The following PARL variants were observed in gnomAD, a reference collection of about 807,000 sequenced individuals.
PARL encodes the protein presenilin-associated rhomboid-like protein, mitochondrial.
Under a neutral mutation model 51.6 loss-of-function variants are expected in PARL, and 44 were observed. The observed-to-expected ratio is 0.85, with a 90% CI of 0.67 to 1.10. PARL has a LOEUF of 1.10. Among genes scored for constraint, PARL ranks in the 50% least tolerant of loss-of-function variants. PARL has a pLI of 0.00. For synonymous variants in PARL, 172 were observed against 164.0 expected, an observed-to-expected ratio of 1.05 and a Z score of -0.37; for missense variants, 441 against 469.5, an observed-to-expected ratio of 0.94 and a Z score of 0.56.
At chr3:183,871,948 T>C (rs910607893) in intron 1 of PARL, among the ~76,000 whole-genome samples, 1 of 151,804 alleles carries the variant, frequency 6.6e-6, no homozygotes, top group African/African-American at 2.4e-5. Context: ...TGGAAATAAA[T>C]GAAACTCAGA....
chr3:183,836,479 T>G (rs115381138), intron 7 of PARL, among the ~76,000 whole-genome samples: 3,326 of 152,284 alleles, frequency 0.022, 58 homozygotes, highest in Non-Finnish European at 0.034. Flanking sequence ...TTTTGACAAA[T>G]ATTTGGGCTT....
chr3:183,851,287 G>GA (rs1459628404), intron 4 of PARL, among the ~76,000 whole-genome samples: 3 of 152,068 alleles, frequency 2.0e-5, no homozygotes. Context: ...AGCAACAAAA[G>GA]AAAAAAATAG....
chr3:183,869,646 T>C (rs1732947981), intron 1 of PARL, among the ~76,000 whole-genome samples: 1 of 152,122 alleles, frequency 6.6e-6, no homozygotes, highest in African/African-American at 2.4e-5. Flanking sequence ...TCATAACATA[T>C]TATCCCTTCT....
chr3:183,827,601 G>A (rs768204213), downstream of PARL, among the ~76,000 whole-genome samples: 37 of 152,266 alleles, frequency 2.4e-4, no homozygotes, highest in Middle Eastern at 3.4e-3. Context: ...GGACCACCAC[G>A]GAGTCACAGG....
intron 1 of PARL, among the ~76,000 whole-genome samples, chr3:183,882,292 C>T (rs28694569): frequency 6.8e-4 from 69 of 100,936 alleles, no homozygotes; most frequent in African/African-American, 2.2e-3. Flanking sequence ...TACACACACA[C>T]ATATATATAC....
chr3:183,867,819 T>C (rs759011358), intron 2 of PARL, 46 bp downstream of exon 2: 2 of 1,394,762 alleles, frequency 1.4e-6, no homozygotes, highest in Non-Finnish European at 2.0e-6. Flanking sequence ...ACTTTAACAC[T>C]GCATTTCTAG....
At chr3:183,844,696 G>A (rs1045291625) in intron 4 of PARL, 3 of 196,944 alleles carry the variant, frequency 1.5e-5, no homozygotes, top group African/African-American at 2.3e-5. Context: ...CTTTGGCCAA[G>A]AGTAGAAGAG....
rs1051525244 is a variant in PARL at position 183,871,856 on chromosome 3, A to G, written c.126-3796T>C. On this transcript the variant is annotated intron_variant, in intron 1 of 9. Coordinates refer to ENST00000317096, the MANE Select transcript of PARL (RefSeq NM_018622.7). ...TGTATATTTAATACTTATACATTTT[A>G]CTATATGTAAACTGTATCTCAATAA... 3.9e-5 allele frequency among the ~76,000 whole-genome samples: 6 copies of G among 152,208 alleles called. No individual in the cohort carries two copies. In the South Asian group the frequency reaches 6.2e-4, roughly 16 times the overall value.
intron 9 of PARL, among the ~76,000 whole-genome samples, chr3:183,832,537 T>C (rs28692503): frequency 1.6e-4 from 25 of 151,866 alleles, no homozygotes; most frequent in African/African-American, 5.1e-4. Flanking sequence ...TTTTTCTTTT[T>C]AATAAAAAAA....
downstream of PARL, among the ~76,000 whole-genome samples, chr3:183,827,965 C>T (rs1053112406): frequency 6.6e-6 from 1 of 152,250 alleles, no homozygotes; most frequent in African/African-American, 2.4e-5. Flanking sequence ...GGAGGCGGCA[C>T]AGCCCAAGAG....
At chr3:183,840,483 A>C in intron 7 of PARL, 87 bp downstream of exon 7, 1 of 688,280 alleles carries the variant, frequency 1.5e-6, no homozygotes, top group Non-Finnish European at 2.5e-6. Flanking sequence ...ACCTCTTATC[A>C]ATTTTACAAC....
intron 4 of PARL, among the ~76,000 whole-genome samples, chr3:183,858,736 T>C (rs1221430492): frequency 2.0e-5 from 3 of 151,958 alleles, no homozygotes; most frequent in African/African-American, 4.8e-5. Flanking sequence ...ATCAGGGCAA[T>C]AGAACAGAAA....
intron 4 of PARL, among the ~76,000 whole-genome samples, chr3:183,848,648 G>A (rs1444214078): frequency 2.0e-5 from 3 of 152,198 alleles, no homozygotes; most frequent in African/African-American, 7.2e-5. Context: ...TGACCTGGCT[G>A]TTGATTCCAT....
In PARL at chr3:183,832,379, C is replaced by T. The variant is rs570023500; in HGVS notation, c.1028+1113G>A. On this transcript the variant is annotated intron_variant, in intron 9 of 9. Coordinates refer to ENST00000317096, the MANE Select transcript of PARL (RefSeq NM_018622.7). Reference sequence around the variant, plus strand: ...GACTACAGGCGCCCGCCACCACGCCCGGCTAAGTTTTTTGTATTTTTAGTA... The same window carrying T: ...GACTACAGGCGCCCGCCACCACGCCTGGCTAAGTTTTTTGTATTTTTAGTA... Among the ~76,000 whole-genome samples, 143 of 152,076 alleles carry T rather than the reference C, an allele frequency of 9.4e-4. 2 individuals are homozygous for T. In the South Asian group the frequency reaches 0.029, roughly 31 times the overall value.
chr3:183,865,016 C>T (rs1577359099), intron 3 of PARL, among the ~76,000 whole-genome samples: 1 of 151,002 alleles, frequency 6.6e-6, no homozygotes, highest in Admixed American at 6.6e-5. Context: ...GTTTAAAACT[C>T]CTCTTGGGGC....
rs1238638750 is a variant in PARL at position 183,833,725 on chromosome 3, T to C, written c.929A>G (p.Asn310Ser). The C allele has an allele frequency of 1.9e-6, 3 of 1,592,772 alleles. No individual in the cohort carries two copies. Among genetic ancestry groups the C allele is most frequent in the Non-Finnish European group, 2.6e-6 (3 of 1,160,596 alleles). Residue 310 changes from asparagine (N) to serine (S), a missense_variant and splice_region_variant, in exon 8 of 10, where the codon AAT (asparagine) becomes AGT (serine). Asn to Ser is a conservative substitution (Grantham distance 46). Coordinates refer to ENST00000317096, the MANE Select transcript of PARL (RefSeq NM_018622.7). ...ACTGCACTTCATAAAAATACTTACATTCCCTGCTGTGAACGTGAACATCGG... is the reference window on the plus strand; with the variant it reads ...ACTGCACTTCATAAAAATACTTACACTCCCTGCTGTGAACGTGAACATCGG... ...FLPMFTFTAG[N>S]ALKAIIAMDT...
intron 4 of PARL, among the ~76,000 whole-genome samples, chr3:183,851,098 A>G (rs1309733555): frequency 1.3e-5 from 2 of 152,156 alleles, no homozygotes; most frequent in South Asian, 2.1e-4. Context: ...GGATAGCCAT[A>G]AGCACAGAAT....
At chr3:183,842,207 T>C in intron 6 of PARL, 91 bp downstream of exon 6, 1 of 1,222,262 alleles carries the variant, frequency 8.2e-7, no homozygotes, top group East Asian at 2.3e-5. Flanking sequence ...TCACTACGTG[T>C]AGAATATGGC....
At chr3:183,867,382 A>G (rs1732616166) in intron 2 of PARL, among the ~76,000 whole-genome samples, 1 of 152,116 alleles carries the variant, frequency 6.6e-6, no homozygotes, top group Non-Finnish European at 1.5e-5. Context: ...GTAAGCCAGA[A>G]TTTAATAATA....
Sources: allele counts gnomAD v4.1 joint callset (sites outside exome capture counted in the v4.1 genomes callset), GRCh38; gene constraint gnomAD v4.1.1; transcripts MANE v1.5; gene names NCBI Gene and HGNC (gene_info 2026-07-23, HGNC 2026-07-21).